PCDH9: variants seen among roughly 807,000 people sequenced by gnomAD.
The protein encoded by PCDH9 is protocadherin-9.
A neutral mutation model predicts 70.6 loss-of-function variants in PCDH9; 24 were observed. That is an observed-to-expected ratio of 0.34 (90% CI 0.25 to 0.48). The LOEUF is 0.48. Among genes scored for constraint, PCDH9 ranks in the 20% least tolerant of loss-of-function variants. The pLI is 0.99. For synonymous variants in PCDH9, 562 were observed against 558.5 expected (o/e 1.01, Z -0.09); for missense variants, 1,281 against 1,503.6 (o/e 0.85, Z 2.45).
intron 4 of PCDH9, among the ~76,000 whole-genome samples, chr13:66,558,691 C>T (rs148534626): frequency 3.9e-5 from 6 of 151,954 alleles, no homozygotes; most frequent in Non-Finnish European, 5.9e-5. Flanking sequence ...AGAGGGCAGG[C>T]GCTAACTGTA....
intron 4 of PCDH9, among the ~76,000 whole-genome samples, chr13:66,400,766 C>T (rs899460751): frequency 6.6e-6 from 1 of 151,910 alleles, no homozygotes; most frequent in African/African-American, 2.4e-5. Context: ...AATGATTATA[C>T]AGCAAATATA....
chr13:67,191,718 C>A (rs879481325), intron 2 of PCDH9, among the ~76,000 whole-genome samples: 1 of 152,064 alleles, frequency 6.6e-6, no homozygotes, highest in Non-Finnish European at 1.5e-5. Flanking sequence ...ATATTCTTAA[C>A]GCCATTCTCT....
At chr13:66,989,922 G>A (rs1212596067) in intron 2 of PCDH9, among the ~76,000 whole-genome samples, 4 of 151,720 alleles carry the variant, frequency 2.6e-5, no homozygotes, top group Non-Finnish European at 4.4e-5. Flanking sequence ...TAAGTGCCTA[G>A]GCCATTTTCT....
intron 4 of PCDH9, among the ~76,000 whole-genome samples, chr13:66,551,710 A>T (rs1229948998): frequency 1.3e-5 from 2 of 152,164 alleles, no homozygotes; most frequent in African/African-American, 4.8e-5. Flanking sequence ...TGGTAAATTC[A>T]AGGCTATGGT....
chr13:66,969,476 T>A (rs1464152770), intron 2 of PCDH9, among the ~76,000 whole-genome samples: 1 of 152,034 alleles, frequency 6.6e-6, no homozygotes, highest in Non-Finnish European at 1.5e-5. Flanking sequence ...GATAGCATAA[T>A]CCTGTCAGGT....
Position 66,849,507 on chromosome 13 carries a change from T to TAGAG in PCDH9, c.3138+53996_3138+53997insCTCT, listed in dbSNP as rs1302157476. 7.0e-3 allele frequency among the ~76,000 whole-genome samples: 629 copies of TAGAG among 89,848 alleles called. 2 individuals are homozygous for TAGAG. Among genetic ancestry groups the TAGAG allele is most frequent in the Admixed American group, 9.2e-3 (76 of 8,230 alleles). 58.9% of individuals were successfully genotyped at this position (89,848 alleles called of 152,430 possible). On this transcript the variant is annotated intron_variant, in intron 3 of 4. Coordinates refer to ENST00000377865, the MANE Select transcript of PCDH9 (RefSeq NM_203487.3). ...GTAGGTATATATATATATATATATA[T>TAGAG]ATATATATATAGAGAGAGAGAGAGA... is the stretch of plus-strand genomic sequence containing the variant.
chr13:66,934,708 C>CT lies in PCDH9; in HGVS notation c.3037-31104dup, dbSNP rs1158291293. On this transcript the variant is annotated intron_variant, in intron 2 of 4. Coordinates refer to ENST00000377865, the MANE Select transcript of PCDH9 (RefSeq NM_203487.3). Reference sequence around the variant, plus strand: ...ATTGTATTCAATTTCCATGTGTTTGCTTTTTTTTTTTTTTTTTTTTTTTTT... The same window carrying CT: ...ATTGTATTCAATTTCCATGTGTTTGCTTTTTTTTTTTTTTTTTTTTTTTTTT... Among the ~76,000 whole-genome samples the CT allele has an allele frequency of 2.6e-3, 123 of 47,332 alleles. 32 individuals carry two copies. The highest frequency in any genetic ancestry group is 4.8e-3 in the East Asian group (8 of 1,656). 31.1% of individuals were successfully genotyped at this position (47,332 alleles called of 152,430 possible). A position where few individuals can be genotyped will look rare whatever the true frequency, so the allele number is the denominator to read the frequency against.
At chr13:67,002,584 C>A (rs1450844044) in intron 2 of PCDH9, among the ~76,000 whole-genome samples, 2 of 149,406 alleles carry the variant, frequency 1.3e-5, no homozygotes, top group African/African-American at 2.4e-5. Flanking sequence ...TAAAAAAAAA[C>A]CCTCACCAAT....
At chr13:67,069,255 GA>G (rs1286366160) in intron 2 of PCDH9, among the ~76,000 whole-genome samples, 16 of 152,118 alleles carry the variant, frequency 1.1e-4, no homozygotes, top group African/African-American at 3.9e-4. Flanking sequence ...TGTCATTAAG[GA>G]AAAGAACATC....
chr13:67,065,212 A>C (rs1566400389), intron 2 of PCDH9, among the ~76,000 whole-genome samples: 1 of 152,196 alleles, frequency 6.6e-6, no homozygotes. Flanking sequence ...GTGACAAATC[A>C]AACTGAAAAG....
At chr13:66,835,718 T>C (rs1453189254) in intron 3 of PCDH9, among the ~76,000 whole-genome samples, 1 of 152,154 alleles carries the variant, frequency 6.6e-6, no homozygotes, top group Non-Finnish European at 1.5e-5. Context: ...TTACAACCAA[T>C]GGACTTCATT....
chr13:66,801,458 T>C (rs1415922959), intron 3 of PCDH9, among the ~76,000 whole-genome samples: 4 of 152,096 alleles, frequency 2.6e-5, no homozygotes, highest in Non-Finnish European at 2.9e-5. Context: ...ATTTCCATCT[T>C]AAAGCAAAAT....
chr13:66,476,056 C>G (rs1002661355), intron 4 of PCDH9, among the ~76,000 whole-genome samples: 4 of 152,016 alleles, frequency 2.6e-5, no homozygotes, highest in African/African-American at 9.7e-5. Flanking sequence ...GTGCCCCTTC[C>G]TTGGTGAGAA....
chr13:66,605,795 T>G (rs1566450923), intron 4 of PCDH9, among the ~76,000 whole-genome samples: 1 of 150,602 alleles, frequency 6.6e-6, no homozygotes, highest in Non-Finnish European at 1.5e-5. Context: ...TGACTGTACT[T>G]TTTTTTTCTA....
intron 4 of PCDH9, among the ~76,000 whole-genome samples, chr13:66,498,226 G>A (rs1333194512): frequency 6.8e-6 from 1 of 148,056 alleles, no homozygotes; most frequent in South Asian, 2.1e-4. Flanking sequence ...TCACTTGAAA[G>A]CTCCACTTCC....
At chr13:66,870,739 C>G (rs2081662873) in intron 3 of PCDH9, among the ~76,000 whole-genome samples, 1 of 152,134 alleles carries the variant, frequency 6.6e-6, no homozygotes, top group South Asian at 2.1e-4. Context: ...CAGGAAACAA[C>G]AGGTGCTGGA....
chr13:66,709,102 C>T (rs991685366), intron 3 of PCDH9, among the ~76,000 whole-genome samples: 2 of 152,106 alleles, frequency 1.3e-5, no homozygotes, highest in African/African-American at 4.8e-5. Flanking sequence ...GTAGAAAACA[C>T]GACTTGACAA....
At chr13:66,995,498 C>G (rs1275701073) in intron 2 of PCDH9, among the ~76,000 whole-genome samples, 1 of 152,108 alleles carries the variant, frequency 6.6e-6, no homozygotes, top group Non-Finnish European at 1.5e-5. Context: ...AACAACAAAA[C>G]CCTAAGAAAC....
chr13:66,590,801 T>A (rs2077029629), intron 4 of PCDH9, among the ~76,000 whole-genome samples: 2 of 151,834 alleles, frequency 1.3e-5, no homozygotes, highest in Admixed American at 1.3e-4. Context: ...ACTTAAAAAA[T>A]TTGTATTTTC....
Sources: allele counts gnomAD v4.1 joint callset (sites outside exome capture counted in the v4.1 genomes callset), GRCh38; gene constraint gnomAD v4.1.1; transcripts MANE v1.5; gene names NCBI Gene and HGNC (gene_info 2026-07-23, HGNC 2026-07-21).